The following N4BP2 variants were observed in gnomAD, a reference collection of about 807,000 sequenced individuals.
N4BP2 encodes NEDD4-binding protein 2.
A neutral mutation model predicts 152.8 loss-of-function variants in N4BP2; 91 were observed. That is an observed-to-expected ratio of 0.60 (90% CI 0.50 to 0.71). N4BP2 has a LOEUF of 0.71. Ranked by LOEUF, N4BP2 falls within the 30% of genes least tolerant of loss-of-function variation. The pLI, the probability that N4BP2 is intolerant of heterozygous loss-of-function variation, is 0.00. For synonymous variants in N4BP2, 646 were observed against 705.3 expected, an observed-to-expected ratio of 0.92 and a Z score of 1.33; for missense variants, 1,923 against 2,059.1, an observed-to-expected ratio of 0.93 and a Z score of 1.28.
chr4:40,134,084 CA>C (rs1253598729), intron 13 of N4BP2, among the ~76,000 whole-genome samples: 1 of 152,212 alleles, frequency 6.6e-6, no homozygotes, highest in Non-Finnish European at 1.5e-5. Flanking sequence ...TCTGGGATTA[CA>C]GGTGTGAACC....
chr4:40,171,688 C>CAT, the N4BP2 span, among the ~76,000 whole-genome samples: 1 of 152,092 alleles, frequency 6.6e-6, no homozygotes, highest in Non-Finnish European at 1.5e-5. Flanking sequence ...AGTATTGACT[C>CAT]ATATGATCAC....
At chr4:40,187,765 C>T in the N4BP2 span, among the ~76,000 whole-genome samples, 2 of 152,218 alleles carry the variant, frequency 1.3e-5, no homozygotes, top group African/African-American at 4.8e-5. Flanking sequence ...TCTTCCAAAA[C>T]TCAGGAGGGC....
At chr4:40,143,867 A>G (rs1720273878) in intron 15 of N4BP2, among the ~76,000 whole-genome samples, 1 of 152,144 alleles carries the variant, frequency 6.6e-6, no homozygotes, top group Admixed American at 6.5e-5. Flanking sequence ...AGTAGGATAT[A>G]TGAAAGATAA....
At chr4:40,127,305 C>T (rs1217352088) in intron 12 of N4BP2, among the ~76,000 whole-genome samples, 1 of 150,224 alleles carries the variant, frequency 6.7e-6, no homozygotes, top group African/African-American at 2.5e-5. Flanking sequence ...GCAGCCTCAA[C>T]CTCCTGGGTT....
chr4:40,098,452 G>GT (rs1481339504), intron 3 of N4BP2, among the ~76,000 whole-genome samples: 3 of 152,158 alleles, frequency 2.0e-5, no homozygotes, highest in Non-Finnish European at 4.4e-5. Flanking sequence ...TTAGAAGTAT[G>GT]TAGACAGAAG....
At chr4:40,177,688 A>G in the N4BP2 span, among the ~76,000 whole-genome samples, 2 of 152,302 alleles carry the variant, frequency 1.3e-5, no homozygotes, top group African/African-American at 4.8e-5. Context: ...CCGTGTGAGG[A>G]TATCTGATTT....
chr4:40,069,293 G>C (rs926526461), intron 1 of N4BP2, among the ~76,000 whole-genome samples: 1 of 151,848 alleles, frequency 6.6e-6, no homozygotes, highest in African/African-American at 2.4e-5. Flanking sequence ...GCAAAAATTA[G>C]CTGGGCTTAG....
In N4BP2 at chr4:40,156,120, A is replaced by G. The variant is rs779541045; in HGVS notation, c.*1883A>G. ...TTAATGAAATAAGATATTCCTATGT[A>G]TACATTAGTATGATTTAAGGGTATG... On this transcript the variant is annotated 3_prime_UTR_variant, in exon 18 of 18. Transcript: ENST00000261435. 1 of 152,222 alleles carries G rather than the reference A, an allele frequency of 6.6e-6. No individual in the cohort carries two copies. The highest frequency in any genetic ancestry group is 1.5e-5 in the Non-Finnish European group (1 of 68,018). The allele number at this position is 152,222 out of a possible 1,614,324, so 9.4% of individuals were successfully genotyped here.
chr4:40,106,101 G>A (rs1320595122), intron 4 of N4BP2, among the ~76,000 whole-genome samples: 2 of 152,118 alleles, frequency 1.3e-5, no homozygotes, highest in Non-Finnish European at 2.9e-5. Context: ...TTCAGAAAAG[G>A]ATAATTAAAA....
chr4:40,119,780 T>A (rs1455999965), intron 8 of N4BP2, 152 bp from the exon 9 acceptor site: 1 of 431,024 alleles, frequency 2.3e-6, no homozygotes, highest in Non-Finnish European at 4.2e-6. Context: ...TAGAGAAAGA[T>A]CAGAATTAGC....
chr4:40,082,728 T>G (rs1040125262), intron 2 of N4BP2, among the ~76,000 whole-genome samples: 1 of 148,986 alleles, frequency 6.7e-6, no homozygotes, highest in Non-Finnish European at 1.5e-5. Flanking sequence ...TGAGACAGAG[T>G]CTTGCTTTGT....
intron 1 of N4BP2, among the ~76,000 whole-genome samples, chr4:40,061,126 T>A (rs970901510): frequency 6.6e-6 from 1 of 152,056 alleles, no homozygotes; most frequent in African/African-American, 2.4e-5. Context: ...GCTGTTTTTC[T>A]TAAAACTTTA....
chr4:40,133,422 G>A (rs999842926), intron 13 of N4BP2, among the ~76,000 whole-genome samples: 9 of 151,006 alleles, frequency 6.0e-5, no homozygotes, highest in Non-Finnish European at 1.3e-4. Context: ...TGCAGCCTCC[G>A]CCTCCCGGGT....
In N4BP2 at chr4:40,071,829, G is replaced by A. The variant is rs537412986; in HGVS notation, c.-211-1626G>A. 4.6e-5 allele frequency among the ~76,000 whole-genome samples: 7 copies of A among 152,060 alleles called. No individual in the cohort carries two copies. In the East Asian group the frequency reaches 5.8e-4, roughly 13 times the overall value. On this transcript the variant is annotated intron_variant, in intron 1 of 17. Coordinates refer to ENST00000261435, the MANE Select transcript of N4BP2 (RefSeq NM_018177.6). ...GATCCTCCTGCCTTGGCCTCCCAAAGTGCTGGGATTATAGGTGTGAGCCAC... is the reference window on the plus strand; with the variant it reads ...GATCCTCCTGCCTTGGCCTCCCAAAATGCTGGGATTATAGGTGTGAGCCAC...
chr4:40,077,253 T>A (rs996255693), intron 2 of N4BP2, among the ~76,000 whole-genome samples: 6 of 150,222 alleles, frequency 4.0e-5, no homozygotes, highest in Non-Finnish European at 8.9e-5. Context: ...CTCTGCCTCC[T>A]GGGTTCAAGC....
At chr4:40,099,063 CT>C (rs1353576271) in intron 3 of N4BP2, among the ~76,000 whole-genome samples, 1 of 151,756 alleles carries the variant, frequency 6.6e-6, no homozygotes, top group Non-Finnish European at 1.5e-5. Context: ...TTTCTTTTGG[CT>C]TTTTTTTCTT....
intron 2 of N4BP2, among the ~76,000 whole-genome samples, chr4:40,095,260 A>T (rs1579010008): frequency 1.3e-5 from 2 of 151,880 alleles, no homozygotes; most frequent in East Asian, 3.9e-4. Flanking sequence ...TTTGTATTTT[A>T]GTAGAGACAG....
chr4:40,125,894 A>C (rs1180487691), intron 11 of N4BP2, among the ~76,000 whole-genome samples: 1 of 148,906 alleles, frequency 6.7e-6, no homozygotes, highest in East Asian at 2.0e-4. Context: ...CTCAAAAAAA[A>C]AAAAAAAAAA....
intron 1 of N4BP2, among the ~76,000 whole-genome samples, chr4:40,061,320 C>G (rs1327517057): frequency 6.6e-6 from 1 of 151,950 alleles, no homozygotes; most frequent in African/African-American, 2.4e-5. Flanking sequence ...CAGGTGTCCA[C>G]TGCCATGTTC....
Sources: allele counts gnomAD v4.1 joint callset (sites outside exome capture counted in the v4.1 genomes callset), GRCh38; gene constraint gnomAD v4.1.1; transcripts MANE v1.5; gene names NCBI Gene and HGNC (gene_info 2026-07-23, HGNC 2026-07-21).